The following EIF4E variants were observed in gnomAD, a reference collection of about 807,000 sequenced individuals.
The protein encoded by EIF4E is eukaryotic translation initiation factor 4E, also known as eIF-4F 25 kDa subunit.
For synonymous variants in EIF4E, 71 were observed against 88.5 expected (o/e 0.80, Z 1.11); for missense variants, 113 against 265.6 (o/e 0.43, Z 3.99).
intron 5 of EIF4E, among the ~76,000 whole-genome samples, chr4:98,885,405 CTT>C (rs1182034660): frequency 2.6e-5 from 4 of 152,062 alleles, no homozygotes; most frequent in East Asian, 3.9e-4. Context: ...TTAATCTCCT[CTT>C]GTTCTTATTT....
At chr4:98,910,515 G>T (rs1173673137) in intron 1 of EIF4E, among the ~76,000 whole-genome samples, 2 of 152,098 alleles carry the variant, frequency 1.3e-5, no homozygotes, top group African/African-American at 2.4e-5. Flanking sequence ...TTCAATAGCT[G>T]TTTATTTAAA....
Position 98,887,664 on chromosome 4 carries a change from C to A in EIF4E, c.285+225G>T, listed in dbSNP as rs554151146. On this transcript the variant is annotated intron_variant, in intron 4 of 6. Coordinates refer to ENST00000450253, the MANE Select transcript of EIF4E (RefSeq NM_001968.5). This position sits in a 1 kb window ranked among gnomAD's most constrained non-coding sequence, Gnocchi z 4.0. ...GAAGGAGTAGACTGGATAATCAAAG[C>A]TCTCATCAAAATCAATCTCAGTATG... 1.1e-4 allele frequency among the ~76,000 whole-genome samples: 16 copies of A among 152,074 alleles called. No individual in the cohort carries two copies. The highest frequency in any genetic ancestry group is 2.1e-4 in the Non-Finnish European group (14 of 68,018).
intron 2 of EIF4E, among the ~76,000 whole-genome samples, chr4:98,899,729 A>G (rs1724568811): frequency 6.6e-6 from 1 of 152,196 alleles, no homozygotes; most frequent in Non-Finnish European, 1.5e-5. Flanking sequence ...ATATGCACAT[A>G]CAAACAGAAA....
intron 1 of EIF4E, among the ~76,000 whole-genome samples, chr4:98,917,075 CT>C (rs1286794306): frequency 2.1e-5 from 3 of 141,302 alleles, no homozygotes; most frequent in Non-Finnish European, 4.5e-5. Context: ...ATTATTCTAC[CT>C]TTTCTAAACA....
intron 6 of EIF4E, 67 bp from the exon 7 acceptor site, chr4:98,881,209 A>T: frequency 1.9e-6 from 3 of 1,559,508 alleles, no homozygotes; most frequent in Non-Finnish European, 2.6e-6. Context: ...AAATACATTT[A>T]AAAATTTAGG....
chr4:98,918,241 G>A (rs1456523612), intron 1 of EIF4E, among the ~76,000 whole-genome samples: 1 of 150,938 alleles, frequency 6.6e-6, no homozygotes, highest in Non-Finnish European at 1.5e-5. Context: ...GTGGACGCCT[G>A]TAATCCAGCT....
At chr4:98,911,976 C>T (rs576011416) in intron 1 of EIF4E, among the ~76,000 whole-genome samples, 4 of 151,476 alleles carry the variant, frequency 2.6e-5, no homozygotes, top group Admixed American at 6.6e-5. Flanking sequence ...ATTTACAGGC[C>T]GGGCACAGTG....
chr4:98,904,488 C>T (rs6852715), intron 1 of EIF4E, among the ~76,000 whole-genome samples: 85,283 of 152,048 alleles, frequency 0.56, 26,394 homozygotes, highest in African/African-American at 0.84. Context: ...AACACATAAT[C>T]GGCCGGGCAT....
At chr4:98,910,766 G>A (rs1267286356) in intron 1 of EIF4E, among the ~76,000 whole-genome samples, 1 of 150,112 alleles carries the variant, frequency 6.7e-6, no homozygotes, top group Non-Finnish European at 1.5e-5. Context: ...TTCTCACTCT[G>A]CCACACAGGC....
At chr4:98,886,954 A>T (rs1723949283) in intron 5 of EIF4E, 125 bp downstream of exon 5, 1 of 947,830 alleles carries the variant, frequency 1.1e-6, no homozygotes, top group Middle Eastern at 3.3e-4. Flanking sequence ...ATAATTACTG[A>T]CCCTGATTTT....
In EIF4E at chr4:98,879,848, G is replaced by C. The variant is rs903820940; in HGVS notation, c.*1180C>G. On this transcript the variant is annotated 3_prime_UTR_variant, in exon 7 of 7. Coordinates refer to ENST00000450253, the MANE Select transcript of EIF4E (RefSeq NM_001968.5). Reference sequence around the variant, plus strand: ...GTGCCTTACTTTATAAAAAAACAAAGATAGCCACATCAATTTAATTCCATA... The same window carrying C: ...GTGCCTTACTTTATAAAAAAACAAACATAGCCACATCAATTTAATTCCATA... 4 of 152,038 alleles carry C rather than the reference G, an allele frequency of 2.6e-5. No homozygotes were observed. The highest frequency in any genetic ancestry group is 5.9e-5 in the Non-Finnish European group (4 of 67,970). The allele number at this position is 152,038 out of a possible 1,614,324, so 9.4% of individuals were successfully genotyped here.
In EIF4E at chr4:98,917,934, G is replaced by A. The variant is rs895898738; in HGVS notation, c.18+11161C>T. ...TTACTAAAAATACAAAAATTAGCCG[G>A]GCGTGGTGGCGCACACCTGTATTCC... On this transcript the variant is annotated intron_variant, in intron 1 of 6. Transcript: ENST00000450253. Among the ~76,000 whole-genome samples the A allele has an allele frequency of 2.6e-5, 4 of 151,808 alleles. No individual in the cohort carries two copies. In the East Asian group the frequency reaches 7.7e-4, roughly 29 times the overall value.
intron 1 of EIF4E, among the ~76,000 whole-genome samples, chr4:98,914,392 CTTT>C (rs61194368): frequency 5.0e-5 from 6 of 120,778 alleles, no homozygotes; most frequent in African/African-American, 1.5e-4. Flanking sequence ...AAAAAAAGCA[CTTT>C]TTTTTTTTGC....
At chr4:98,919,854 C>T (rs577977928) in intron 1 of EIF4E, among the ~76,000 whole-genome samples, 6 of 152,162 alleles carry the variant, frequency 3.9e-5, no homozygotes, top group Admixed American at 2.6e-4. Context: ...CCACCATGCC[C>T]GGCCAGAATT....
chr4:98,910,945 G>A (rs114999148), intron 1 of EIF4E, among the ~76,000 whole-genome samples: 169 of 152,108 alleles, frequency 1.1e-3, no homozygotes, highest in African/African-American at 3.9e-3. Flanking sequence ...TGGCCCAGCT[G>A]GTCTTGAACT....
intron 1 of EIF4E, among the ~76,000 whole-genome samples, chr4:98,910,268 T>G (rs1455321109): frequency 6.6e-6 from 1 of 152,142 alleles, no homozygotes; most frequent in African/African-American, 2.4e-5. Context: ...CATGGAGATT[T>G]AGCAAAATAC....
At chr4:98,893,825 C>T (rs1724254015) in intron 2 of EIF4E, among the ~76,000 whole-genome samples, 1 of 152,208 alleles carries the variant, frequency 6.6e-6, no homozygotes, top group Admixed American at 6.5e-5. Flanking sequence ...ATGCTCAATC[C>T]TTTCGGAAGG....
At chr4:98,915,816 A>G (rs867226786) in intron 1 of EIF4E, among the ~76,000 whole-genome samples, 32 of 151,998 alleles carry the variant, frequency 2.1e-4, no homozygotes, top group Middle Eastern at 3.4e-3. Flanking sequence ...TGCTAGGATT[A>G]CAGACGTGAG....
chr4:98,907,005 C>G (rs1270643876), intron 1 of EIF4E, among the ~76,000 whole-genome samples: 1 of 152,064 alleles, frequency 6.6e-6, no homozygotes, highest in Non-Finnish European at 1.5e-5. Context: ...ATAAGGGTTG[C>G]TTTTTATAAA....
Sources: allele counts gnomAD v4.1 joint callset (sites outside exome capture counted in the v4.1 genomes callset), GRCh38; gene constraint gnomAD v4.1.1; non-coding constraint Gnocchi (gnomAD v3.1); transcripts MANE v1.5; gene names NCBI Gene and HGNC (gene_info 2026-07-23, HGNC 2026-07-21).